The following EPHA7 variants were observed in gnomAD, a reference collection of about 807,000 sequenced individuals.
The protein encoded by EPHA7 is ephrin type-A receptor 7.
Under a neutral mutation model 112.6 loss-of-function variants are expected in EPHA7, and 25 were observed. The observed-to-expected ratio is 0.22, with a 90% CI of 0.16 to 0.31. The LOEUF (loss-of-function observed/expected upper bound fraction) is 0.31. Ranked by LOEUF, EPHA7 falls within the 10% of genes least tolerant of loss-of-function variation. EPHA7 has a pLI of 1.00. For synonymous variants in EPHA7, 437 were observed against 406.5 expected, an observed-to-expected ratio of 1.07 and a Z score of -0.90; for missense variants, 962 against 1,212.6, an observed-to-expected ratio of 0.79 and a Z score of 3.07.
chr6:93,383,766 T>C (rs575171588), intron 3 of EPHA7, among the ~76,000 whole-genome samples: 2 of 152,264 alleles, frequency 1.3e-5, no homozygotes, highest in South Asian at 2.1e-4. Flanking sequence ...AGTACCATCA[T>C]AGCTAACTGT....
At chr6:93,252,912 C>T (rs1007137952) in intron 14 of EPHA7, among the ~76,000 whole-genome samples, 2 of 151,794 alleles carry the variant, frequency 1.3e-5, no homozygotes, top group African/African-American at 4.8e-5. Flanking sequence ...TATAGTAAGG[C>T]TATATTCATA....
chr6:93,354,923 G>C (rs1030155832), intron 5 of EPHA7, among the ~76,000 whole-genome samples: 4 of 152,002 alleles, frequency 2.6e-5, no homozygotes, highest in African/African-American at 9.7e-5. Context: ...CTTGATATTA[G>C]CAGGAATAAA....
rs1400927360 is a variant in EPHA7 at position 93,277,668 on chromosome 6, G to GT, written c.1325-5247dup. ...AAAAAATCGGTGGAAGAGAAATGAT[G>GT]TTTTTTCAAAATTAAATTATGTTAT... On this transcript the variant is annotated intron_variant, in intron 5 of 16. Transcript: ENST00000369303. 3.3e-5 allele frequency among the ~76,000 whole-genome samples: 5 copies of GT among 151,954 alleles called. No individual in the cohort carries two copies. The South Asian group carries it at 8.3e-4, about 25-fold the overall frequency.
chr6:93,358,100 A>G (rs187073713), intron 4 of EPHA7, among the ~76,000 whole-genome samples, 156 bp downstream of exon 4: 87 of 152,304 alleles, frequency 5.7e-4, no homozygotes, highest in Non-Finnish European at 7.6e-4. Flanking sequence ...CTATCTGCTT[A>G]TGAAAGAAAA....
intron 5 of EPHA7, among the ~76,000 whole-genome samples, chr6:93,278,140 A>G (rs1426147917): frequency 2.0e-5 from 3 of 151,632 alleles, no homozygotes; most frequent in Non-Finnish European, 4.4e-5. Context: ...CATTTAATTA[A>G]TTATTATAGG....
intron 7 of EPHA7, among the ~76,000 whole-genome samples, chr6:93,265,470 T>C (rs943915512): frequency 9.2e-5 from 14 of 151,854 alleles, no homozygotes; most frequent in Admixed American, 8.6e-4. Context: ...AAGAAGTACA[T>C]GTTTGCATGT....
chr6:93,255,589 A>G lies in EPHA7; in HGVS notation c.2382+239T>C, dbSNP rs186846357. 1.7e-3 allele frequency among the ~76,000 whole-genome samples: 254 copies of G among 152,260 alleles called. 1 individual carries two copies. Among genetic ancestry groups the G allele is most frequent in the African/African-American group, 5.8e-3 (240 of 41,558 alleles). On this transcript the variant is annotated intron_variant, in intron 13 of 16. Transcript: ENST00000369303. ...ATGTTTTTGTACGTAACTATATTCT[A>G]TGACTCTCCCAATATAGGGCAGTCA... is the stretch of plus-strand genomic sequence containing the variant.
Position 93,395,111 on chromosome 6 carries a change from A to G in EPHA7, c.832+15390T>C, listed in dbSNP as rs1314568437. On this transcript the variant is annotated intron_variant, in intron 3 of 16. Transcript: ENST00000369303. ...ATTTAAAATATAATCCTTAGTAAGC[A>G]AAACATGAAAATCTTGATTTAAAGA... 2.6e-5 allele frequency among the ~76,000 whole-genome samples: 4 copies of G among 151,854 alleles called. No homozygotes were observed. In the Admixed American group the frequency reaches 2.6e-4, roughly 10 times the overall value.
intron 5 of EPHA7, among the ~76,000 whole-genome samples, chr6:93,341,016 G>T (rs1237319629): frequency 6.6e-6 from 1 of 151,840 alleles, no homozygotes; most frequent in Non-Finnish European, 1.5e-5. Context: ...AACTGGAAAA[G>T]TACTCACCCT....
At chr6:93,250,110 A>C (rs1000421496) in intron 14 of EPHA7, among the ~76,000 whole-genome samples, 1 of 152,140 alleles carries the variant, frequency 6.6e-6, no homozygotes, top group African/African-American at 2.4e-5. Context: ...TTAAAATAAG[A>C]GATATTGGGA....
intron 5 of EPHA7, among the ~76,000 whole-genome samples, chr6:93,352,494 A>C (rs1775742739): frequency 6.6e-6 from 1 of 152,132 alleles, no homozygotes; most frequent in African/African-American, 2.4e-5. Flanking sequence ...AACATCTTTT[A>C]TGGAAGGGCT....
intron 9 of EPHA7, among the ~76,000 whole-genome samples, chr6:93,259,936 A>G (rs2127861203): frequency 6.6e-6 from 1 of 152,114 alleles, no homozygotes; most frequent in Middle Eastern, 3.4e-3. Flanking sequence ...CAGCAATATT[A>G]AAAACATTTA....
chr6:93,413,918 G>T (rs1295383102), intron 2 of EPHA7, among the ~76,000 whole-genome samples: 1 of 151,620 alleles, frequency 6.6e-6, no homozygotes, highest in South Asian at 2.1e-4. Context: ...ATAGCAATAG[G>T]GTATCTTCTC....
At chr6:93,412,388 T>C (rs1005986579) in intron 2 of EPHA7, among the ~76,000 whole-genome samples, 2 of 152,136 alleles carry the variant, frequency 1.3e-5, no homozygotes, top group Admixed American at 1.3e-4. Context: ...TATTAATGTA[T>C]ACTTTTAAAA....
At chr6:93,336,681 A>T (rs460103) in intron 5 of EPHA7, among the ~76,000 whole-genome samples, 6 of 151,834 alleles carry the variant, frequency 4.0e-5, no homozygotes, top group Non-Finnish European at 7.4e-5. Context: ...GATTACAGTC[A>T]TGAGCCACCC....
intron 3 of EPHA7, among the ~76,000 whole-genome samples, chr6:93,390,443 C>T (rs1002411717): frequency 1.3e-5 from 2 of 151,302 alleles, no homozygotes; most frequent in African/African-American, 4.8e-5. Context: ...TATTAAATTT[C>T]CTGGATTTTA....
chr6:93,315,153 C>A (rs1473104004), intron 5 of EPHA7, among the ~76,000 whole-genome samples: 1 of 150,328 alleles, frequency 6.7e-6, no homozygotes, highest in African/African-American at 2.5e-5. Flanking sequence ...TGAGCCACCG[C>A]GCCTGGCCGA....
At chr6:93,411,262 A>G in intron 2 of EPHA7, 92 bp from the exon 3 acceptor site, 1 of 1,051,900 alleles carries the variant, frequency 9.5e-7, no homozygotes, top group Non-Finnish European at 1.4e-6. Context: ...CAGATCTTCG[A>G]AAAAGTTAGG....
intron 5 of EPHA7, among the ~76,000 whole-genome samples, chr6:93,322,702 C>A (rs1370799244): frequency 6.6e-6 from 1 of 151,514 alleles, no homozygotes; most frequent in Admixed American, 6.6e-5. Context: ...AAATTAGGAC[C>A]CATTTTCATG....
Sources: allele counts gnomAD v4.1 joint callset (sites outside exome capture counted in the v4.1 genomes callset), GRCh38; gene constraint gnomAD v4.1.1; transcripts MANE v1.5; gene names NCBI Gene and HGNC (gene_info 2026-07-23, HGNC 2026-07-21).